ADGRL2: variants seen among roughly 807,000 people sequenced by gnomAD.
ADGRL2 encodes adhesion G protein-coupled receptor L2.
A neutral mutation model predicts 157.4 loss-of-function variants in ADGRL2; 44 were observed. That is an observed-to-expected ratio of 0.28 (90% CI 0.22 to 0.36). ADGRL2 has a LOEUF of 0.36. Among genes scored for constraint, ADGRL2 ranks in the 10% least tolerant of loss-of-function variants. ADGRL2 has a pLI of 1.00. For synonymous variants in ADGRL2, 585 were observed against 624.7 expected, an observed-to-expected ratio of 0.94 and a Z score of 0.95; for missense variants, 1,510 against 1,768.9, an observed-to-expected ratio of 0.85 and a Z score of 2.63.
At chr1:81,492,423 G>C (rs909704076) in intron 2 of ADGRL2, among the ~76,000 whole-genome samples, 1 of 152,032 alleles carries the variant, frequency 6.6e-6, no homozygotes, top group Non-Finnish European at 1.5e-5. Context: ...TCAAAATTCA[G>C]TTAAACACAC....
chr1:81,456,555 C>T (rs1198980643), intron 2 of ADGRL2, among the ~76,000 whole-genome samples: 3 of 151,994 alleles, frequency 2.0e-5, no homozygotes, highest in Non-Finnish European at 4.4e-5. Flanking sequence ...TTATTCAAGT[C>T]ATTATTTATG....
chr1:81,388,694 C>T (rs940116694), intron 1 of ADGRL2, among the ~76,000 whole-genome samples: 3 of 152,138 alleles, frequency 2.0e-5, no homozygotes, highest in African/African-American at 7.2e-5. Flanking sequence ...AGTGGGCCCT[C>T]ACATCGGATC....
In ADGRL2 at chr1:81,991,063, A is replaced by G; in HGVS notation, c.4328A>G (p.Tyr1443Cys). The change falls in exon 24 of 24, where the codon TAT (tyrosine) becomes TGT (cysteine). Residue 1443 changes from tyrosine to cysteine, a missense_variant. This residue lies in a region of ADGRL2 where 327 missense variants were observed against 310.1 expected (regional missense o/e 1.05). Transcript: ENST00000686636. ...ATCAGCAGGGGCAATAGTGATGGTTATATAATCCCCATTAACAAAGAAGGG... is the reference window on the plus strand; with the variant it reads ...ATCAGCAGGGGCAATAGTGATGGTTGTATAATCCCCATTAACAAAGAAGGG... ...YQISRGNSDG[Y>C]IIPINKEGCI... 1 of 1,613,758 alleles carries G rather than the reference A, an allele frequency of 6.2e-7. No individual in the cohort carries two copies. The highest frequency in any genetic ancestry group is 8.5e-7 in the Non-Finnish European group (1 of 1,179,882).
chr1:81,307,986 G>A (rs547466372), intron 1 of ADGRL2, among the ~76,000 whole-genome samples: 94 of 152,056 alleles, frequency 6.2e-4, no homozygotes, highest in Middle Eastern at 3.4e-3. Context: ...GTTACTGCAC[G>A]TAGAATTTAA....
intron 3 of ADGRL2, among the ~76,000 whole-genome samples, chr1:81,603,986 CAG>C (rs1173174096): frequency 6.8e-6 from 1 of 146,546 alleles, no homozygotes; most frequent in East Asian, 2.0e-4. Context: ...TTTTTTGAGC[CAG>C]AGTCTTGCTC....
intron 2 of ADGRL2, among the ~76,000 whole-genome samples, chr1:81,505,424 A>T (rs2078951846): frequency 6.6e-6 from 1 of 150,920 alleles, no homozygotes; most frequent in African/African-American, 2.5e-5. Flanking sequence ...CAGAGGATGC[A>T]GGGAAAGCAC....
intron 1 of ADGRL2, among the ~76,000 whole-genome samples, chr1:81,816,583 A>G (rs1571394067): frequency 6.6e-6 from 1 of 151,934 alleles, no homozygotes; most frequent in Non-Finnish European, 1.5e-5. Flanking sequence ...ATTAGTATCA[A>G]TGTATAGGTT....
chr1:81,650,332 G>A (rs1188583285), intron 3 of ADGRL2, among the ~76,000 whole-genome samples: 1 of 152,096 alleles, frequency 6.6e-6, no homozygotes, highest in Non-Finnish European at 1.5e-5. Flanking sequence ...AGCACTTTGG[G>A]AAGCCGAGGC....
At chr1:81,456,773 C>A (rs1173847423) in intron 2 of ADGRL2, among the ~76,000 whole-genome samples, 1 of 151,962 alleles carries the variant, frequency 6.6e-6, no homozygotes, top group African/African-American at 2.4e-5. Flanking sequence ...AACTGCCCTC[C>A]CACAAAATAG....
At chr1:81,411,175 C>G (rs1454591112) in intron 1 of ADGRL2, among the ~76,000 whole-genome samples, 1 of 152,138 alleles carries the variant, frequency 6.6e-6, no homozygotes, top group African/African-American at 2.4e-5. Flanking sequence ...GGCAAAGATG[C>G]AAAGGCAGCG....
At chr1:81,912,816 A>G (rs752887374) in intron 3 of ADGRL2, among the ~76,000 whole-genome samples, 3 of 152,170 alleles carry the variant, frequency 2.0e-5, no homozygotes, top group Non-Finnish European at 4.4e-5. Flanking sequence ...AGGATTTTCG[A>G]GATAGGAGAG....
At chr1:81,929,770 A>G (rs1204750675) in intron 3 of ADGRL2, among the ~76,000 whole-genome samples, 1 of 152,158 alleles carries the variant, frequency 6.6e-6, no homozygotes, top group East Asian at 1.9e-4. Flanking sequence ...TGCTTCTTTA[A>G]GATTTGCAAA....
chr1:81,333,479 C>T (rs1186250083), intron 1 of ADGRL2, among the ~76,000 whole-genome samples: 1 of 151,824 alleles, frequency 6.6e-6, no homozygotes, highest in Non-Finnish European at 1.5e-5. Context: ...GCAGTGGCAC[C>T]ATCTTGGCTC....
chr1:81,819,096 C>T (rs565347719), intron 1 of ADGRL2, among the ~76,000 whole-genome samples: 7 of 152,224 alleles, frequency 4.6e-5, no homozygotes, highest in African/African-American at 1.4e-4. Context: ...ACATGTTATA[C>T]TTATTTGATA....
At position 81,993,916 on chromosome 1, in the gene ADGRL2, C is replaced by T. The variant is rs972334163; in HGVS notation, c.*2771C>T. The T allele has an allele frequency of 1.4e-5, 3 of 213,492 alleles. No homozygotes were observed. The highest frequency in any genetic ancestry group is 6.1e-5 in the South Asian group (1 of 16,508). 13.2% of individuals were successfully genotyped at this position (213,492 alleles called of 1,614,324 possible). A position where few individuals can be genotyped will look rare whatever the true frequency, so the allele number is the denominator to read the frequency against. ...TAAAAATAATAATAATAATAATAAACGTTATCTTGTTGGCCAGACTGGTCT... is the reference window on the plus strand; with the variant it reads ...TAAAAATAATAATAATAATAATAAATGTTATCTTGTTGGCCAGACTGGTCT... On this transcript the variant is annotated 3_prime_UTR_variant, in exon 24 of 24. Transcript: ENST00000686636.
intron 2 of ADGRL2, among the ~76,000 whole-genome samples, chr1:81,855,933 G>C (rs2093187014): frequency 6.6e-6 from 1 of 152,184 alleles, no homozygotes; most frequent in Admixed American, 6.5e-5. Context: ...CAATTTGGCA[G>C]ATCGCTGATG....
chr1:81,429,917 G>A (rs1478029831), intron 1 of ADGRL2, among the ~76,000 whole-genome samples: 2 of 152,018 alleles, frequency 1.3e-5, no homozygotes, highest in African/African-American at 4.8e-5. Flanking sequence ...TTTTGAGATG[G>A]TGTTTTGCTC....
intron 2 of ADGRL2, among the ~76,000 whole-genome samples, chr1:81,842,498 C>A (rs1306159311): frequency 6.6e-6 from 1 of 151,606 alleles, no homozygotes; most frequent in Non-Finnish European, 1.5e-5. Flanking sequence ...GCTGGGATTA[C>A]AGGCACCTGC....
At chr1:81,735,151 G>A (rs1214868661) in intron 1 of ADGRL2, 5 of 147,562 alleles carry the variant, frequency 3.4e-5, no homozygotes, top group Admixed American at 3.4e-4. Flanking sequence ...AGAGATTGGA[G>A]TGATGCGTCT....
Sources: allele counts gnomAD v4.1 joint callset (sites outside exome capture counted in the v4.1 genomes callset), GRCh38; gene constraint gnomAD v4.1.1; regional missense constraint gnomAD v4.1.1; transcripts MANE v1.5; gene names NCBI Gene and HGNC (gene_info 2026-07-23, HGNC 2026-07-21).